Variants in FAAP20 observed in about 807,000 individuals in gnomAD.
The protein encoded by FAAP20 is Fanconi anemia core complex-associated protein 20.
FAAP20 carries 12 observed loss-of-function variants against 16.2 expected under a neutral mutation model. The observed-to-expected ratio is 0.74, with a 90% CI of 0.48 to 1.20. The LOEUF (loss-of-function observed/expected upper bound fraction) is 1.20, where lower values mean the gene tolerates loss of function less well. Among genes scored for constraint, FAAP20 ranks in the 50% most tolerant of loss-of-function variants. The probability of loss-of-function intolerance (pLI) is 0.00; values close to 1 mark genes in which losing one functional copy is unlikely to be tolerated. For missense variants in FAAP20, 288 were observed against 245.8 expected, an observed-to-expected ratio of 1.17 and a Z score of -1.15; for synonymous variants, 141 against 110.7, an observed-to-expected ratio of 1.27 and a Z score of -1.72.
chr1:2,199,094 C>G, upstream of FAAP20: 3 of 1,189,300 alleles, frequency 2.5e-6, no homozygotes, highest in Non-Finnish European at 3.2e-6. The surrounding 1 kb of genome is among the most constrained non-coding windows in gnomAD (Gnocchi z 4.5). Context: ...CCCCAAGAAC[C>G]AGAAAGCCAG....
intron 3 of FAAP20, chr1:2,190,334 G>T (rs189616307): frequency 1.8e-5 from 8 of 456,348 alleles, no homozygotes; most frequent in South Asian, 7.7e-5. Flanking sequence ...GGCCCCACGC[G>T]GCCCCTGCAC....
rs754429056 is a variant in FAAP20 at position 2,189,736 on chromosome 1, G to C, written c.516C>G (p.Ala172=). The change falls in exon 4 of 4, where the codon GCC becomes GCG. Residue 172 remains alanine, a synonymous_variant. Coordinates refer to ENST00000378546, the MANE Select transcript of FAAP20 (RefSeq NM_182533.4). ...DVDSHLAQCL[A]ESTEDVTW is the part of the protein sequence containing the mutation. ...ACCACGTCACGTCTTCTGTGCTTTC[G>C]GCCAAGCACTGGGCCAGGTGGCTGT... is the stretch of plus-strand genomic sequence containing the variant. 6.2e-7 allele frequency: 1 copy of C among 1,612,914 alleles called. No individual in the cohort carries two copies.
downstream of FAAP20, chr1:2,185,280 A>T (rs1310446080): frequency 7.0e-6 from 5 of 717,776 alleles, no homozygotes; most frequent in Non-Finnish European, 1.3e-5. Context: ...GGGGGCTGTC[A>T]TGCGGTTTCC....
chr1:2,204,768 C>A (rs1351390579), upstream of FAAP20, among the ~76,000 whole-genome samples: 1 of 152,150 alleles, frequency 6.6e-6, no homozygotes, highest in Non-Finnish European at 1.5e-5. Flanking sequence ...GAGCTGCAGG[C>A]TCAGCCAGCC....
downstream of FAAP20, among the ~76,000 whole-genome samples, chr1:2,187,365 C>T (rs1265907628): frequency 6.7e-6 from 1 of 148,846 alleles, no homozygotes; most frequent in Non-Finnish European, 1.5e-5. Flanking sequence ...AGTGCAGTGG[C>T]GAGATCTCGG....
At position 2,190,000 on chromosome 1, in the gene FAAP20, C is replaced by A. The variant is rs533656988; in HGVS notation, c.471-219G>T. On this transcript the variant is annotated intron_variant, in intron 3 of 3. Coordinates refer to ENST00000378546, the MANE Select transcript of FAAP20 (RefSeq NM_182533.4). The stretch of plus-strand genomic sequence containing the variant: ...GTGCCCGTGAGGAGGCCACGCCAGG[C>A]CCCTGCGTCCGAGCTGGGGGTGGGG... 387 of 617,622 alleles carry A rather than the reference C, an allele frequency of 6.3e-4. 2 individuals carry two copies. In the African/African-American group the frequency reaches 6.4e-3, roughly 10 times the overall value. 38.3% of individuals were successfully genotyped at this position (617,622 alleles called of 1,614,324 possible).
intron 3 of FAAP20, chr1:2,192,123 C>A: frequency 2.0e-6 from 2 of 985,636 alleles, no homozygotes; most frequent in Non-Finnish European, 2.4e-6. Context: ...GGCTGTTAGA[C>A]CAGACCCTCC....
chr1:2,185,952 C>T (rs115167900), downstream of FAAP20: 858 of 335,896 alleles, frequency 2.6e-3, 12 homozygotes, highest in African/African-American at 0.017. Context: ...CTCTTCCCAG[C>T]GGCGCGGACC....
chr1:2,199,619 A>G, upstream of FAAP20: 1 of 985,894 alleles, frequency 1.0e-6, no homozygotes, highest in African/African-American at 1.7e-5. This position sits in a 1 kb window ranked among gnomAD's most constrained non-coding sequence, Gnocchi z 4.5. Flanking sequence ...ACCAAGCTGG[A>G]GGAGCACTGT....
chr1:2,194,660 C>T, intron 1 of FAAP20, 28 bp downstream of exon 1: 2 of 1,106,968 alleles, frequency 1.8e-6, no homozygotes, highest in Non-Finnish European at 2.2e-6. Flanking sequence ...GAAAACCGGC[C>T]GCGCCCCCGC....
chr1:2,194,776 C>T (rs1688718886), upstream of FAAP20: 2 of 1,169,284 alleles, frequency 1.7e-6, no homozygotes, highest in Non-Finnish European at 1.1e-6. Context: ...CGGAAGTGAG[C>T]GCAAGCCCCG....
intron 3 of FAAP20, chr1:2,193,340 G>T: frequency 1.9e-6 from 1 of 527,922 alleles, no homozygotes; most frequent in South Asian, 2.7e-5. Flanking sequence ...GGGGACGCTG[G>T]TGCCACCAGA....
chr1:2,198,493 A>T, upstream of FAAP20: 1 of 438,624 alleles, frequency 2.3e-6, no homozygotes, highest in Non-Finnish European at 3.8e-6. Context: ...CAAGTGTCCC[A>T]GCCACTGGCA....
At chr1:2,193,579 C>T (rs955551076) in intron 3 of FAAP20, 60 bp downstream of exon 3, 10 of 1,568,112 alleles carry the variant, frequency 6.4e-6, no homozygotes, top group Middle Eastern at 1.7e-4. Flanking sequence ...ACCTTCTGAA[C>T]GGCTGTGGTT....
At chr1:2,186,503 C>T (rs917613021), downstream of FAAP20, among the ~76,000 whole-genome samples, 87 of 149,970 alleles carry the variant, frequency 5.8e-4, 2 homozygotes, top group African/African-American at 1.8e-3. Flanking sequence ...CCCGCCCCCC[C>T]CCGGCCAGCT....
upstream of FAAP20, among the ~76,000 whole-genome samples, chr1:2,204,228 C>T (rs540707778): frequency 1.3e-5 from 2 of 152,364 alleles, no homozygotes; most frequent in African/African-American, 4.8e-5. Flanking sequence ...GCCAGTGTCC[C>T]TCCGGTGACC....
chr1:2,194,814 C>G (rs954395548), upstream of FAAP20: 46 of 1,086,946 alleles, frequency 4.2e-5, no homozygotes, highest in African/African-American at 5.1e-5. Flanking sequence ...CCCGCCCCCG[C>G]CCCGGCCCCG....
At chr1:2,207,653 A>G (rs1280589378), downstream of FAAP20, 2 of 152,226 alleles carry the variant, frequency 1.3e-5, no homozygotes, top group Non-Finnish European at 2.9e-5. Flanking sequence ...TGTTTCCTAC[A>G]GTGGAGAAGG....
chr1:2,201,291 C>CGCACGGTG (rs1689038151), upstream of FAAP20: 4 of 1,119,792 alleles, frequency 3.6e-6, no homozygotes, highest in Non-Finnish European at 4.5e-6. Flanking sequence ...GTCAGGGACA[C>CGCACGGTG]GCACGGTGAG....
Sources: gnomAD v4.1 joint callset for allele counts (sites outside exome capture counted in the v4.1 genomes callset) on GRCh38, gnomAD v4.1.1 for gene constraint, Gnocchi (gnomAD v3.1) non-coding constraint, MANE v1.5 for transcripts, NCBI Gene and HGNC (gene_info 2026-07-23, HGNC 2026-07-21) for gene names.